Variants in CADPS observed in about 807,000 individuals in gnomAD.
CADPS encodes calcium dependent secretion activator, also known as calcium-dependent secretion activator 1.
A neutral mutation model predicts 167.3 loss-of-function variants in CADPS; 57 were observed. The ratio of observed to expected loss-of-function variants is 0.34; its 90% CI spans 0.28 to 0.42. The LOEUF (loss-of-function observed/expected upper bound fraction) is 0.42. CADPS is among the 20% of genes least tolerant of loss of function. The pLI is 1.00. For missense variants in CADPS, 1,414 were observed against 1,738.1 expected (o/e 0.81, Z 3.32); for synonymous variants, 676 against 635.3 (o/e 1.06, Z -0.96).
intron 3 of CADPS, among the ~76,000 whole-genome samples, chr3:62,712,465 T>C (rs941428575): frequency 7.2e-5 from 11 of 152,224 alleles, no homozygotes; most frequent in African/African-American, 2.4e-4. Flanking sequence ...ACTTTTTTCA[T>C]ATGCTTGTTG....
intron 1 of CADPS, among the ~76,000 whole-genome samples, chr3:62,811,652 G>T (rs974118742): frequency 6.6e-6 from 1 of 152,098 alleles, no homozygotes; most frequent in Non-Finnish European, 1.5e-5. Flanking sequence ...CTAATGTTTT[G>T]CTCAGGCAGC....
At chr3:62,826,465 A>G (rs1488449345) in intron 1 of CADPS, among the ~76,000 whole-genome samples, 3 of 152,174 alleles carry the variant, frequency 2.0e-5, no homozygotes, top group African/African-American at 7.2e-5. Context: ...TCTCTGTCTT[A>G]TGTCTTACAA....
chr3:62,650,664 G>C (rs2069863581), intron 5 of CADPS, among the ~76,000 whole-genome samples, 183 bp downstream of exon 5: 1 of 152,156 alleles, frequency 6.6e-6, no homozygotes, highest in Admixed American at 6.5e-5. Context: ...ATTTCCTTAA[G>C]AAAAATGTGG....
At chr3:62,656,254 G>T (rs1385834992) in intron 4 of CADPS, among the ~76,000 whole-genome samples, 2 of 152,056 alleles carry the variant, frequency 1.3e-5, no homozygotes, top group Non-Finnish European at 2.9e-5. Flanking sequence ...TAATGATGGT[G>T]CCTATAGTAA....
chr3:62,513,748 G>T lies in CADPS; in HGVS notation c.2582-980C>A, dbSNP rs774644418. On this transcript the variant is annotated intron_variant, in intron 16 of 29. Transcript: ENST00000383710. ...GGGCATGCAAGAGGCTTAGGTCAGA[G>T]GTAAAGAGGTTAAAGGTCATAGGTT... 1.4e-5 allele frequency: 18 copies of T among 1,311,600 alleles called. No individual in the cohort carries two copies. In the Admixed American group the frequency reaches 3.4e-4, roughly 25 times the overall value. 81.2% of individuals were successfully genotyped at this position (1,311,600 alleles called of 1,614,324 possible). A position where few individuals can be genotyped will look rare whatever the true frequency, so the allele number is the denominator to read the frequency against.
Position 62,874,577 on chromosome 3 carries a change from A to C in CADPS, c.441+12T>G, listed in dbSNP as rs781671323. 6.5e-7 allele frequency: 1 copy of C among 1,540,516 alleles called. No homozygotes were observed. The highest frequency in any genetic ancestry group is 2.0e-5 in the Admixed American group (1 of 50,400). On this transcript the variant is annotated intron_variant, in intron 1 of 29. Coordinates refer to ENST00000383710, the MANE Select transcript of CADPS (RefSeq NM_003716.4). The surrounding 1 kb of genome is among the most constrained non-coding windows in gnomAD (Gnocchi z 7.1). ...CCGGGTGCTGCTCCCTGGGCCTCCCAGGCGCACCTACCTTCTGCTGCCGGC... is the reference window on the plus strand; with the variant it reads ...CCGGGTGCTGCTCCCTGGGCCTCCCCGGCGCACCTACCTTCTGCTGCCGGC...
At chr3:62,828,004 G>A (rs2074371721) in intron 1 of CADPS, among the ~76,000 whole-genome samples, 1 of 152,156 alleles carries the variant, frequency 6.6e-6, no homozygotes, top group Admixed American at 6.5e-5. Context: ...ACAGCACTGT[G>A]TCTCAGAAAG....
In CADPS at chr3:62,492,336, G is replaced by T; in HGVS notation, c.2838C>A (p.Asp946Glu). Reference sequence around the variant, plus strand: ...TCAGCAGCTGAAATAGTGGAAAACTGTCCCATGTGTCTGGAGGTTGCACCT... The same window carrying T: ...TCAGCAGCTGAAATAGTGGAAAACTTTCCCATGTGTCTGGAGGTTGCACCT... ...ALEVQPPDTW[D>E]SFPLFQLLND... Residue 946 changes from aspartate (D) to glutamate (E), a missense_variant, in exon 20 of 30, where the codon GAC becomes GAA. Physicochemically the swap from Asp to Glu is conservative, Grantham distance 45. This residue lies in a region of CADPS where 529 missense variants were observed against 629.6 expected (regional missense o/e 0.84). Transcript: ENST00000383710. 6.2e-7 allele frequency: 1 copy of T among 1,614,070 alleles called. No individual in the cohort carries two copies. The highest frequency in any genetic ancestry group is 8.5e-7 in the Non-Finnish European group (1 of 1,179,930).
chr3:62,845,586 A>T (rs983172061), intron 1 of CADPS, among the ~76,000 whole-genome samples: 8 of 152,160 alleles, frequency 5.3e-5, no homozygotes, highest in African/African-American at 1.9e-4. Flanking sequence ...GAGGATTTGG[A>T]TTAAATTCCA....
chr3:62,748,253 G>A (rs2081936826), intron 3 of CADPS, among the ~76,000 whole-genome samples: 1 of 147,346 alleles, frequency 6.8e-6, no homozygotes, highest in Non-Finnish European at 1.5e-5. Context: ...GGCTGAGGCA[G>A]GAGAATGGCG....
intron 11 of CADPS, among the ~76,000 whole-genome samples, chr3:62,540,676 T>C (rs1399407453): frequency 3.3e-5 from 5 of 152,208 alleles, no homozygotes; most frequent in Non-Finnish European, 7.3e-5. Context: ...ACATATGTTG[T>C]CTATTTTAAA....
At chr3:62,871,051 A>G (rs1418336742) in intron 1 of CADPS, among the ~76,000 whole-genome samples, 1 of 152,168 alleles carries the variant, frequency 6.6e-6, no homozygotes, top group African/African-American at 2.4e-5. Context: ...TTATATTTCA[A>G]TTCACAGTAA....
intron 1 of CADPS, among the ~76,000 whole-genome samples, chr3:62,794,998 G>A (rs1324944065): frequency 6.6e-6 from 1 of 152,048 alleles, no homozygotes; most frequent in African/African-American, 2.4e-5. Context: ...TTTCTCTGCA[G>A]GCTGCTGAGT....
At chr3:62,846,976 T>C (rs182895859) in intron 1 of CADPS, among the ~76,000 whole-genome samples, 2 of 152,132 alleles carry the variant, frequency 1.3e-5, no homozygotes, top group Admixed American at 6.5e-5. Context: ...TGGAGGTGGG[T>C]CTTTTAGTTA....
chr3:62,604,669 T>C (rs1344631338), intron 6 of CADPS, among the ~76,000 whole-genome samples: 1 of 152,204 alleles, frequency 6.6e-6, no homozygotes, highest in Non-Finnish European at 1.5e-5. Context: ...GAAATGGAGC[T>C]CATGGGGCAT....
intron 9 of CADPS, among the ~76,000 whole-genome samples, chr3:62,562,382 C>A (rs2079327984): frequency 6.6e-6 from 1 of 152,122 alleles, no homozygotes; most frequent in Admixed American, 6.6e-5. Flanking sequence ...GTTTTCAGAT[C>A]CATTATTTTC....
At chr3:62,468,477 C>T (rs907232212) in intron 24 of CADPS, among the ~76,000 whole-genome samples, 5 of 152,118 alleles carry the variant, frequency 3.3e-5, no homozygotes, top group African/African-American at 1.2e-4. Flanking sequence ...AATTGTTCTC[C>T]ACACACCAAC....
chr3:62,562,671 A>G (rs185078837), intron 9 of CADPS, among the ~76,000 whole-genome samples: 4 of 152,290 alleles, frequency 2.6e-5, no homozygotes, highest in Admixed American at 2.6e-4. Flanking sequence ...CATGCAGGCC[A>G]TTCATTGCCC....
At chr3:62,605,475 A>C (rs1309562836) in intron 6 of CADPS, among the ~76,000 whole-genome samples, 1 of 152,232 alleles carries the variant, frequency 6.6e-6, no homozygotes, top group African/African-American at 2.4e-5. Context: ...GGTCACATGA[A>C]TAGCATCTAC....
Sources: allele counts gnomAD v4.1 joint callset (sites outside exome capture counted in the v4.1 genomes callset), GRCh38; gene constraint gnomAD v4.1.1; regional missense constraint gnomAD v4.1.1; non-coding constraint Gnocchi (gnomAD v3.1); transcripts MANE v1.5; gene names NCBI Gene and HGNC (gene_info 2026-07-23, HGNC 2026-07-21).